The following TARBP1 variants were observed in gnomAD, a reference collection of about 807,000 sequenced individuals.
The protein encoded by TARBP1 is tRNA guanosine 2 -O-methyltransferase TARBP1, also known as tRNA (guanosine(18)-2'-O)-methyltransferase TARBP1.
TARBP1 carries 144 observed loss-of-function variants against 178.6 expected under a neutral mutation model. The ratio of observed to expected loss-of-function variants is 0.81; its 90% CI spans 0.70 to 0.93. The LOEUF (loss-of-function observed/expected upper bound fraction) is 0.93. TARBP1 is among the 40% of genes least tolerant of loss of function. The pLI is 0.00. For missense variants in TARBP1, 2,067 were observed against 2,011.7 expected (o/e 1.03, Z -0.53); for synonymous variants, 787 against 781.0 (o/e 1.01, Z -0.13).
rs1432925944 is a variant in TARBP1 at position 234,427,375 on chromosome 1, C to T, written c.3265G>A (p.Val1089Ile). 9 of 1,608,862 alleles carry T rather than the reference C, an allele frequency of 5.6e-6. No individual in the cohort carries two copies. Among genetic ancestry groups the T allele is most frequent in the Non-Finnish European group, 7.6e-6 (9 of 1,178,270 alleles). ...FRRDQRLVQD[V>I]QTFIENLGHD... Reference sequence around the variant, plus strand: ...CCAAGGTTTTCTATGAAGGTCTGTACATCCTGAACAAGTCTTTCCATAAAA... The same window carrying T: ...CCAAGGTTTTCTATGAAGGTCTGTATATCCTGAACAAGTCTTTCCATAAAA... The change falls in exon 19 of 30, where the codon GTA becomes ATA. Residue 1089 changes from valine (V) to isoleucine (I), a missense_variant. Transcript: ENST00000040877.
chr1:234,418,069 A>G lies in TARBP1; in HGVS notation c.3705+15T>C, dbSNP rs1662635626. 8.1e-7 allele frequency: 1 copy of G among 1,239,432 alleles called. No homozygotes were observed. The highest frequency in any genetic ancestry group is 1.1e-6 in the Non-Finnish European group (1 of 928,046). 76.8% of individuals were successfully genotyped at this position (1,239,432 alleles called of 1,614,324 possible). ...GTCTTAGTTTAAAAATATATAAAAA[A>G]TATTCTTTACTTACATAAGAAAAAC... On this transcript the variant is annotated intron_variant, in intron 22 of 29. Transcript: ENST00000040877.
At chr1:234,405,009 AG>A (rs1441207205) in intron 24 of TARBP1, among the ~76,000 whole-genome samples, 1 of 152,174 alleles carries the variant, frequency 6.6e-6, no homozygotes, top group Admixed American at 6.5e-5. Context: ...ACAATGACTC[AG>A]TCTTATTTGT....
Position 234,479,000 on chromosome 1 carries a change from G to T in TARBP1, c.104C>A (p.Thr35Lys), listed in dbSNP as rs1212757816. 6.6e-6 allele frequency: 10 copies of T among 1,505,710 alleles called. No individual in the cohort carries two copies. In the Admixed American group the frequency reaches 8.7e-5, roughly 13 times the overall value. The allele number at this position is 1,505,710 out of a possible 1,614,324, so 93.3% of individuals were successfully genotyped here. A position where few individuals can be genotyped will look rare whatever the true frequency, so the allele number is the denominator to read the frequency against. ...GAGCCGCTGCAGAAGGAAGCGCAGC[G>T]TCTCCACGCGCTCCGCGGATGCCTC... Reference protein sequence around the residue: ...QGEASAERVETLRFLLQRLED... With the variant: ...QGEASAERVEKLRFLLQRLED... The change falls in exon 1 of 30, where the codon ACG becomes AAG. Residue 35 changes from threonine to lysine, a missense_variant. Coordinates refer to ENST00000040877, the MANE Select transcript of TARBP1 (RefSeq NM_005646.4).
chr1:234,393,923 A>T (rs1659663961), intron 26 of TARBP1, 86 bp from the exon 27 acceptor site: 1 of 1,004,024 alleles, frequency 1.0e-6, no homozygotes, highest in East Asian at 2.7e-5. Context: ...TATTTTTAAG[A>T]ATGTGAAATA....
chr1:234,440,489 G>GCA (rs146428460), intron 12 of TARBP1, among the ~76,000 whole-genome samples: 1,525 of 150,340 alleles, frequency 0.01, 27 homozygotes, highest in African/African-American at 0.034. Flanking sequence ...GAGTAAGCAC[G>GCA]CACACACACA....
intron 14 of TARBP1, 134 bp downstream of exon 14, chr1:234,433,276 A>G (rs994922099): frequency 6.4e-5 from 59 of 920,278 alleles, no homozygotes; most frequent in Non-Finnish European, 9.1e-5. Context: ...ACATCTTATC[A>G]CTAGAGGGTA....
Position 234,391,722 on chromosome 1 carries a change from G to A in TARBP1, c.4721C>T (p.Ala1574Val). 6.2e-7 allele frequency: 1 copy of A among 1,613,312 alleles called. No homozygotes were observed. ...AACGTCCAACTGTTGGATCAGATTT[G>A]CTGGAATTCCCTCACGTTCATTTCT... ...LLGNEREGIP[A>V]NLIQQLDVCV... Residue 1574 changes from alanine (A) to valine (V), a missense_variant, in exon 30 of 30, where the codon GCA (alanine) becomes GTA (valine). Ala to Val is a moderately conservative substitution (Grantham distance 64, BLOSUM62 0). Coordinates refer to ENST00000040877, the MANE Select transcript of TARBP1 (RefSeq NM_005646.4).
At chr1:234,457,593 GCTA>G (rs1371646943) in intron 9 of TARBP1, 71 bp downstream of exon 9, 53 of 904,922 alleles carry the variant, frequency 5.9e-5, no homozygotes, top group Admixed American at 1.1e-4. Context: ...TATATAAATG[GCTA>G]CTAAGAAATT....
At chr1:234,470,173 A>G (rs947113219) in intron 3 of TARBP1, among the ~76,000 whole-genome samples, 1 of 152,090 alleles carries the variant, frequency 6.6e-6, no homozygotes, top group African/African-American at 2.4e-5. Flanking sequence ...AGGCCGAGGC[A>G]AAAAAATTGC....
intron 24 of TARBP1, among the ~76,000 whole-genome samples, chr1:234,403,156 C>T (rs1445399634): frequency 6.6e-6 from 1 of 152,188 alleles, no homozygotes; most frequent in East Asian, 1.9e-4. Context: ...TCCCCATTCA[C>T]TCAACATCAA....
At chr1:234,411,531 C>T (rs1661821935) in intron 22 of TARBP1, among the ~76,000 whole-genome samples, 1 of 152,182 alleles carries the variant, frequency 6.6e-6, no homozygotes, top group African/African-American at 2.4e-5. Flanking sequence ...AGAACAAAGA[C>T]ACAGAGGCAA....
intron 13 of TARBP1, 108 bp downstream of exon 13, chr1:234,437,167 G>C (rs532661000): frequency 1.7e-6 from 1 of 573,230 alleles, no homozygotes; most frequent in Non-Finnish European, 2.8e-6. Context: ...ACCGCTTCTT[G>C]AGAAAATTAA....
intron 12 of TARBP1, among the ~76,000 whole-genome samples, chr1:234,437,665 G>A (rs1665168236): frequency 6.6e-6 from 1 of 152,130 alleles, no homozygotes; most frequent in Non-Finnish European, 1.5e-5. Context: ...ACTCTACAAG[G>A]AAAAAATAGC....
chr1:234,474,582 G>A (rs541982317), intron 1 of TARBP1, among the ~76,000 whole-genome samples: 1 of 152,278 alleles, frequency 6.6e-6, no homozygotes, highest in South Asian at 2.1e-4. Flanking sequence ...TCCATAGAGA[G>A]AAACAGTTCC....
Position 234,418,181 on chromosome 1 carries a change from T to A in TARBP1, c.3608A>T (p.Asn1203Ile). ...DRIFQAGFTN[N>I]QASIKYFIEW... is the part of the protein sequence containing the mutation. ...TATAAAATATTTTATGGATGCTTGA[T>A]TGTTGGTGAAACCAGCCTGGAAAAT... is the stretch of plus-strand genomic sequence containing the variant. Residue 1203 changes from asparagine (N) to isoleucine (I), a missense_variant, in exon 22 of 30, where the codon AAT becomes ATT. Asn to Ile is a moderately radical substitution (Grantham distance 149). Coordinates refer to ENST00000040877, the MANE Select transcript of TARBP1 (RefSeq NM_005646.4). The A allele has an allele frequency of 6.4e-7, 1 of 1,553,836 alleles. No homozygotes were observed. Among genetic ancestry groups the A allele is most frequent in the Non-Finnish European group, 8.6e-7 (1 of 1,161,756 alleles).
intron 24 of TARBP1, 128 bp from the exon 25 acceptor site, chr1:234,401,390 C>T (rs944422894): frequency 3.1e-6 from 2 of 650,336 alleles, no homozygotes; most frequent in Non-Finnish European, 5.4e-6. Context: ...GAACTTTATC[C>T]TAAGATTTAT....
intron 4 of TARBP1, 104 bp downstream of exon 4, chr1:234,467,398 G>A (rs1668558164): frequency 8.8e-7 from 1 of 1,139,436 alleles, no homozygotes; most frequent in African/African-American, 1.6e-5. Flanking sequence ...ATGATTTGTT[G>A]GATGCAAATC....
chr1:234,421,680 G>C (rs1663113336), intron 20 of TARBP1, among the ~76,000 whole-genome samples: 1 of 152,224 alleles, frequency 6.6e-6, no homozygotes, highest in Non-Finnish European at 1.5e-5. Context: ...GTAACAGATA[G>C]CTCTCTCTGG....
rs369500975 is a variant in TARBP1, at chr1:234,479,131, G to C, written c.-28C>G. The C allele has an allele frequency of 6.6e-7, 1 of 1,505,628 alleles. No individual in the cohort carries two copies. The highest frequency in any genetic ancestry group is 2.2e-5 in the Admixed American group (1 of 44,562). 93.3% of individuals were successfully genotyped at this position (1,505,628 alleles called of 1,614,324 possible). On this transcript the variant is annotated 5_prime_UTR_variant, in exon 1 of 30. Transcript: ENST00000040877. ...GCCGAGCGCCCGCGCCACCGGCCCG[G>C]GCTCCCAAAGGAAGGCGCCGGCGTG...
Sources: allele counts gnomAD v4.1 joint callset (sites outside exome capture counted in the v4.1 genomes callset), GRCh38; gene constraint gnomAD v4.1.1; transcripts MANE v1.5; gene names NCBI Gene and HGNC (gene_info 2026-07-23, HGNC 2026-07-21).